SIMC1: variants seen among roughly 807,000 people sequenced by gnomAD.
SIMC1 encodes the protein SUMO-interacting motif-containing protein 1.
A neutral mutation model predicts 82.3 loss-of-function variants in SIMC1; 55 were observed. That is an observed-to-expected ratio of 0.67 (90% confidence interval 0.54 to 0.84). SIMC1 has a LOEUF of 0.84. Among genes scored for constraint, SIMC1 ranks in the 40% least tolerant of loss-of-function variants. SIMC1 has a pLI of 0.00. For synonymous variants in SIMC1, 353 were observed against 426.3 expected (o/e 0.83, Z 2.12); for missense variants, 915 against 1,107.2 (o/e 0.83, Z 2.46).
intron 1 of SIMC1, chr5:176,270,656 G>A (rs987065942): frequency 1.3e-5 from 2 of 152,238 alleles, no homozygotes; most frequent in African/African-American, 4.8e-5. Context: ...GAGAGAATCT[G>A]TGTGCTTGGG....
chr5:176,248,201 A>G (rs1342023564), intron 1 of SIMC1, among the ~76,000 whole-genome samples: 1 of 152,056 alleles, frequency 6.6e-6, no homozygotes, highest in Non-Finnish European at 1.5e-5. Context: ...TTTGGGCAGT[A>G]TGGCCATTTT....
intron 1 of SIMC1, among the ~76,000 whole-genome samples, chr5:176,247,658 T>A (rs1761494229): frequency 6.6e-6 from 1 of 152,156 alleles, no homozygotes; most frequent in Non-Finnish European, 1.5e-5. Flanking sequence ...TTGCTTTTGG[T>A]GTTTTAGTCA....
intron 7 of SIMC1, among the ~76,000 whole-genome samples, chr5:176,333,978 C>CA (rs1340264100): frequency 4.7e-5 from 7 of 150,286 alleles, no homozygotes. Context: ...CTAGAGTTAA[C>CA]ATTTGGTTCC....
At chr5:176,328,737 G>A (rs931013703) in intron 7 of SIMC1, among the ~76,000 whole-genome samples, 7 of 152,020 alleles carry the variant, frequency 4.6e-5, no homozygotes, top group African/African-American at 1.5e-4. Context: ...TAAAATAAAG[G>A]AGAGCTAGCA....
intron 2 of SIMC1, among the ~76,000 whole-genome samples, chr5:176,293,619 A>G (rs1428500295): frequency 6.6e-6 from 1 of 151,828 alleles, no homozygotes; most frequent in Admixed American, 6.6e-5. Context: ...ATGGTGGCAC[A>G]CACCTGTAGT....
chr5:176,272,525 C>T (rs1561682657), intron 1 of SIMC1, among the ~76,000 whole-genome samples: 1 of 152,184 alleles, frequency 6.6e-6, no homozygotes, highest in Non-Finnish European at 1.5e-5. Flanking sequence ...GTGAGTGACG[C>T]AGAAGACGGG....
chr5:176,313,403 A>G lies in SIMC1; in HGVS notation c.1735-288A>G, dbSNP rs1382810718. 32 of 1,542,696 alleles carry G rather than the reference A, an allele frequency of 2.1e-5. No homozygotes were observed. The East Asian group carries it at 7.3e-4, about 35-fold the overall frequency. ...GATATCTGATTGCAGCTTAGGTGTTAGAAAATTATAATTATCTGCAGATGC... is the reference window on the plus strand; with the variant it reads ...GATATCTGATTGCAGCTTAGGTGTTGGAAAATTATAATTATCTGCAGATGC... On this transcript the variant is annotated intron_variant, in intron 4 of 9. Transcript: ENST00000429602.
At chr5:176,340,015 T>C (rs1033587790) in intron 9 of SIMC1, among the ~76,000 whole-genome samples, 4 of 152,184 alleles carry the variant, frequency 2.6e-5, no homozygotes, top group Admixed American at 6.5e-5. Context: ...CTCCACTAGT[T>C]GTCTAGCTGC....
chr5:176,242,483 CAT>C (rs201531990), intron 1 of SIMC1, among the ~76,000 whole-genome samples: 11,301 of 151,594 alleles, frequency 0.075, 1,482 homozygotes, highest in African/African-American at 0.26. Flanking sequence ...GCATTCAGGA[CAT>C]ATCTTTTTCT....
intron 1 of SIMC1, among the ~76,000 whole-genome samples, chr5:176,271,459 C>A (rs1762424499): frequency 6.6e-6 from 1 of 152,086 alleles, no homozygotes; most frequent in Non-Finnish European, 1.5e-5. Context: ...GGACGACATT[C>A]TGTTAAGTGA....
rs1761250034 is a variant in SIMC1 at position 176,240,627 on chromosome 5, A to G, written c.129+1990A>G. On this transcript the variant is annotated intron_variant, in intron 1 of 9. Transcript: ENST00000429602. ...TCGTTTTATCTTTTTTGCAAATTAG[A>G]TAAGAGTGGTATGATAACCATGTAA... Among the ~76,000 whole-genome samples, 2 of 93,982 alleles carry G rather than the reference A, an allele frequency of 2.1e-5. 1 individual carries two copies. The highest frequency in any genetic ancestry group is 6.4e-4 in the South Asian group (2 of 3,136). The allele number at this position is 93,982 out of a possible 152,430, so 61.7% of individuals were successfully genotyped here.
chr5:176,306,737 C>T (rs1434209319), intron 4 of SIMC1, among the ~76,000 whole-genome samples: 1 of 150,768 alleles, frequency 6.6e-6, no homozygotes, highest in African/African-American at 2.4e-5. Context: ...GAGTCATCAC[C>T]AATCCCTAAT....
chr5:176,258,596 T>G (rs1460330640), intron 1 of SIMC1, among the ~76,000 whole-genome samples: 1 of 151,860 alleles, frequency 6.6e-6, no homozygotes, highest in Non-Finnish European at 1.5e-5. Flanking sequence ...AAAACTCCTT[T>G]TTTTTTTTGA....
chr5:176,343,306 G>A lies in SIMC1; in HGVS notation c.2414-1877G>A, dbSNP rs1216855493. Among the ~76,000 whole-genome samples, 5 of 152,224 alleles carry A rather than the reference G, an allele frequency of 3.3e-5. No individual in the cohort carries two copies. The South Asian group carries it at 6.2e-4, about 19-fold the overall frequency. The stretch of plus-strand genomic sequence containing the variant: ...TGTTAGTGAAAGTGCCATCATCCCC[G>A]TTTGATAAATGAGGAGACTGAGAAA... On this transcript the variant is annotated intron_variant, in intron 9 of 9. Transcript: ENST00000429602.
At chr5:176,311,634 T>A (rs1229357030) in intron 4 of SIMC1, among the ~76,000 whole-genome samples, 3 of 151,336 alleles carry the variant, frequency 2.0e-5, no homozygotes, top group Admixed American at 1.3e-4. Flanking sequence ...GAAAGAGATA[T>A]AATTACAGGT....
chr5:176,263,267 A>G lies in SIMC1; in HGVS notation c.129+24630A>G, dbSNP rs1478452476. On this transcript the variant is annotated intron_variant, in intron 1 of 9. Transcript: ENST00000429602. ...AATCGAAATCCCAGCAATTTGTTCT[A>G]TGAACATCAACAAACTGATTGTAAA... 4 of 702,442 alleles carry G rather than the reference A, an allele frequency of 5.7e-6. No homozygotes were observed. In the East Asian group the frequency reaches 1.3e-4, roughly 23 times the overall value. The allele number at this position is 702,442 out of a possible 1,614,324, so 43.5% of individuals were successfully genotyped here.
intron 7 of SIMC1, among the ~76,000 whole-genome samples, chr5:176,335,018 G>C (rs1048579318): frequency 3.3e-5 from 5 of 151,718 alleles, no homozygotes; most frequent in African/African-American, 1.2e-4. Flanking sequence ...TTGAACCCGG[G>C]GGGTGGGGGT....
intron 4 of SIMC1, among the ~76,000 whole-genome samples, chr5:176,311,984 G>A (rs2113340806): frequency 6.6e-6 from 1 of 152,314 alleles, no homozygotes; most frequent in South Asian, 2.1e-4. Context: ...AAGAGATACT[G>A]TCTATAGATG....
In SIMC1 at chr5:176,290,939, A is replaced by G. The variant is rs762207187; in HGVS notation, c.1415A>G (p.Asp472Gly). The G allele has an allele frequency of 6.3e-7, 1 of 1,593,858 alleles. No homozygotes were observed. Among genetic ancestry groups the G allele is most frequent in the Non-Finnish European group, 8.6e-7 (1 of 1,168,590 alleles). Residue 472 changes from aspartate to glycine, a missense_variant, in exon 2 of 10, where the codon GAT becomes GGT. This residue lies in a region of SIMC1 where 902 missense variants were observed against 1,040.3 expected (regional missense o/e 0.87). Coordinates refer to ENST00000429602, the MANE Select transcript of SIMC1 (RefSeq NM_001308195.2). ...CTCTTCTTTCAGACGCTAATACCGG[A>G]TAAAGACACAAGAGAGGTGAGCTAA... is the stretch of plus-strand genomic sequence containing the variant. ...HHLFFQTLIP[D>G]KDTRENKGQK...
Sources: allele counts gnomAD v4.1 joint callset (sites outside exome capture counted in the v4.1 genomes callset), GRCh38; gene constraint gnomAD v4.1.1; regional missense constraint gnomAD v4.1.1; transcripts MANE v1.5; gene names NCBI Gene and HGNC (gene_info 2026-07-23, HGNC 2026-07-21).